PDE3B: variants seen among roughly 807,000 people sequenced by gnomAD.
PDE3B encodes the protein phosphodiesterase 3B, also known as cGMP-inhibited 3',5'-cyclic phosphodiesterase 3B.
A neutral mutation model predicts 116.8 loss-of-function variants in PDE3B; 66 were observed. The ratio of observed to expected loss-of-function variants is 0.56; its 90% CI spans 0.46 to 0.69. PDE3B has a LOEUF of 0.69. Among genes scored for constraint, PDE3B ranks in the 30% least tolerant of loss-of-function variants. The pLI is 0.00. For synonymous variants in PDE3B, 595 were observed against 533.6 expected (o/e 1.12, Z -1.59); for missense variants, 1,384 against 1,368.1 (o/e 1.01, Z -0.18).
the PDE3B span, chr11:14,891,508 T>C: frequency 2.0e-6 from 2 of 994,178 alleles, no homozygotes; most frequent in South Asian, 4.4e-5. Context: ...CAGTCGTTCG[T>C]CGACTGCAGA....
At chr11:14,884,899 T>G in the PDE3B span, among the ~76,000 whole-genome samples, 3 of 152,058 alleles carry the variant, frequency 2.0e-5, no homozygotes, top group Non-Finnish European at 4.4e-5. Context: ...TGTGGCTGCT[T>G]CTTTGGTCTA....
rs1450537117 is a variant in PDE3B, at chr11:14,644,384, C to T, written c.309C>T (p.Ala103=). 4 of 1,602,088 alleles carry T rather than the reference C, an allele frequency of 2.5e-6. No homozygotes were observed. Among genetic ancestry groups the T allele is most frequent in the South Asian group, 1.1e-5 (1 of 89,670 alleles). ...LLGAEPESWA[A]GAAWLRTLLS... ...GCGCGGAACCCGAGAGCTGGGCTGC[C>T]GGGGCCGCCTGGCTGCGGACGCTGC... The change falls in exon 1 of 16, where the codon GCC becomes GCT. Residue 103 remains alanine, a synonymous_variant. Transcript: ENST00000282096.
intron 5 of PDE3B, among the ~76,000 whole-genome samples, chr11:14,808,671 T>TAAA (rs1478670987): frequency 1.3e-5 from 2 of 152,014 alleles, no homozygotes; most frequent in Non-Finnish European, 2.9e-5. Context: ...TTATCACCAA[T>TAAA]AAGTTTATCA....
chr11:14,895,448 T>C, the PDE3B span, among the ~76,000 whole-genome samples: 1 of 152,392 alleles, frequency 6.6e-6, no homozygotes, highest in African/African-American at 2.4e-5. Context: ...TTGCTTTTGA[T>C]CTTCTTGGAG....
intron 1 of PDE3B, among the ~76,000 whole-genome samples, chr11:14,646,751 G>A (rs1198160085): frequency 6.6e-6 from 1 of 152,080 alleles, no homozygotes; most frequent in African/African-American, 2.4e-5. Flanking sequence ...CTTAATCCTA[G>A]TGTGGTGCTC....
At position 14,796,302 on chromosome 11, in the gene PDE3B, T is replaced by A. The variant is rs999496614; in HGVS notation, c.1415+7060T>A. Among the ~76,000 whole-genome samples the A allele has an allele frequency of 1.4e-4, 21 of 152,230 alleles. 1 individual carries two copies. The highest frequency in any genetic ancestry group is 1.4e-3 in the Admixed American group (21 of 15,286). ...GATGGACACTTCGGTTGGTTCCAAG[T>A]CATTGCTATTGTGAATAGCAATAAA... On this transcript the variant is annotated intron_variant, in intron 4 of 15. Coordinates refer to ENST00000282096, the MANE Select transcript of PDE3B (RefSeq NM_000922.4).
chr11:14,660,801 C>T (rs1853877159), intron 1 of PDE3B, among the ~76,000 whole-genome samples: 1 of 152,138 alleles, frequency 6.6e-6, no homozygotes, highest in Admixed American at 6.5e-5. Flanking sequence ...TGTTAAATAA[C>T]ATATTTACAT....
At chr11:14,787,746 A>C (rs1034937962) in intron 3 of PDE3B, among the ~76,000 whole-genome samples, 5 of 151,878 alleles carry the variant, frequency 3.3e-5, no homozygotes, top group African/African-American at 1.2e-4. Context: ...CTATCTTATA[A>C]GAAAGAGGTT....
At chr11:14,822,221 AAAAC>A (rs1204942762) in intron 7 of PDE3B, among the ~76,000 whole-genome samples, 1 of 152,196 alleles carries the variant, frequency 6.6e-6, no homozygotes, top group African/African-American at 2.4e-5. Flanking sequence ...TTTTTACAAA[AAAAC>A]AAACAAAACT....
At chr11:14,651,552 C>T (rs1236694827) in intron 1 of PDE3B, among the ~76,000 whole-genome samples, 1 of 152,112 alleles carries the variant, frequency 6.6e-6, no homozygotes, top group Non-Finnish European at 1.5e-5. Flanking sequence ...AGTAAGAATG[C>T]CCCTGGATCC....
At chr11:14,853,453 T>A (rs1200502272) in intron 12 of PDE3B, among the ~76,000 whole-genome samples, 2 of 152,166 alleles carry the variant, frequency 1.3e-5, no homozygotes, top group Non-Finnish European at 2.9e-5. Context: ...TTCTGAAAAA[T>A]GTTCTGTGCT....
intron 1 of PDE3B, among the ~76,000 whole-genome samples, chr11:14,645,276 A>G (rs1035612252): frequency 1.3e-5 from 2 of 152,004 alleles, no homozygotes; most frequent in African/African-American, 4.8e-5. Context: ...TTGTCATTGA[A>G]TAGAAATCAA....
chr11:14,858,022 A>T (rs1847880746), intron 12 of PDE3B, among the ~76,000 whole-genome samples: 3 of 152,168 alleles, frequency 2.0e-5, no homozygotes, highest in Admixed American at 2.0e-4. Flanking sequence ...GCAAAGTTTA[A>T]ATCATACCAT....
rs781061945 is a variant in PDE3B, at chr11:14,644,163, G to A, written c.88G>A (p.Gly30Ser). 6.3e-6 allele frequency: 10 copies of A among 1,594,668 alleles called. No individual in the cohort carries two copies. The South Asian group carries it at 1.0e-4, about 16-fold the overall frequency. The change falls in exon 1 of 16, where the codon GGC becomes AGC. Residue 30 changes from glycine (G) to serine (S), a missense_variant. By Grantham distance (56) the Gly-to-Ser change is moderately conservative. Coordinates refer to ENST00000282096, the MANE Select transcript of PDE3B (RefSeq NM_000922.4). Reference sequence around the variant, plus strand: ...CTCGCCCCCCGAGAGTCTGAGGAACGGCTACGTGAAGAGCTGCGTGAGCCC... The same window carrying A: ...CTCGCCCCCCGAGAGTCTGAGGAACAGCTACGTGAAGAGCTGCGTGAGCCC... ...AGSPPESLRNGYVKSCVSPLR... is the reference protein window; with the variant it reads ...AGSPPESLRNSYVKSCVSPLR...
chr11:14,790,026 C>T (rs1290737717), intron 4 of PDE3B, among the ~76,000 whole-genome samples: 1 of 151,906 alleles, frequency 6.6e-6, no homozygotes, highest in Non-Finnish European at 1.5e-5. Context: ...TCTGGTATTA[C>T]TGAGCATGTT....
At chr11:14,770,014 G>A (rs538904446) in intron 1 of PDE3B, among the ~76,000 whole-genome samples, 2 of 151,332 alleles carry the variant, frequency 1.3e-5, no homozygotes, top group Non-Finnish European at 3.0e-5. Context: ...ACTTGAGTTA[G>A]CCAGAAATCA....
At position 14,707,603 on chromosome 11, in the gene PDE3B, A is replaced by G. The variant is rs921078303; in HGVS notation, c.978+62550A>G. Among the ~76,000 whole-genome samples, 3 of 152,020 alleles carry G rather than the reference A, an allele frequency of 2.0e-5. No homozygotes were observed. The South Asian group carries it at 6.2e-4, about 31-fold the overall frequency. On this transcript the variant is annotated intron_variant, in intron 1 of 15. Transcript: ENST00000282096. ...ATCATTAACTTTGTATGCCGTGGGG[A>G]GAAACCAGGTCTGATTATTGACTTC...
the PDE3B span, chr11:14,887,676 C>T: frequency 1.0e-6 from 1 of 982,890 alleles, no homozygotes; most frequent in East Asian, 1.1e-4. Flanking sequence ...CTCACCCAAA[C>T]CAGCCCTACT....
chr11:14,718,456 A>C (rs1033005695), intron 1 of PDE3B, among the ~76,000 whole-genome samples: 10 of 148,256 alleles, frequency 6.7e-5, no homozygotes, highest in Non-Finnish European at 1.3e-4. Flanking sequence ...ACCCCAAATC[A>C]ACAGAATATA....
Sources: gnomAD v4.1 joint callset for allele counts (sites outside exome capture counted in the v4.1 genomes callset) on GRCh38, gnomAD v4.1.1 for gene constraint, MANE v1.5 for transcripts, NCBI Gene and HGNC (gene_info 2026-07-23, HGNC 2026-07-21) for gene names.